Variants in CDH22 observed in about 807,000 individuals in gnomAD.
CDH22 encodes cadherin 22.
Under a neutral mutation model 58.4 loss-of-function variants are expected in CDH22, and 30 were observed. That is an observed-to-expected ratio of 0.51 (90% CI 0.38 to 0.70). The LOEUF is 0.70. CDH22 is among the 30% of genes least tolerant of loss of function. The pLI is 0.00. For missense variants in CDH22, 1,014 were observed against 1,233.9 expected, an observed-to-expected ratio of 0.82 and a Z score of 2.67; for synonymous variants, 513 against 558.2, an observed-to-expected ratio of 0.92 and a Z score of 1.14.
At chr20:46,209,042 A>C (rs1258228932) in intron 7 of CDH22, among the ~76,000 whole-genome samples, 1 of 152,250 alleles carries the variant, frequency 6.6e-6, no homozygotes, top group Non-Finnish European at 1.5e-5. Flanking sequence ...AGAGACAAAA[A>C]AGGTAATCAG....
At chr20:46,297,447 G>T (rs1309514822) in intron 1 of CDH22, among the ~76,000 whole-genome samples, 1 of 151,976 alleles carries the variant, frequency 6.6e-6, no homozygotes, top group South Asian at 2.1e-4. Flanking sequence ...CTCCGTGGAG[G>T]GTTAGAGCTT....
At chr20:46,226,286 CTTCTTCTTT>C (rs2086173782) in intron 4 of CDH22, among the ~76,000 whole-genome samples, 1 of 2,476 alleles carries the variant, frequency 4.0e-4, no homozygotes, top group Non-Finnish European at 1.2e-3. Context: ...TCTTCTTCTT[CTTCTTCTTT>C]TTTTTTTTGA....
At position 46,291,306 on chromosome 20, in the gene CDH22, AAAAC is replaced by A. The variant is rs201514418; in HGVS notation, c.-400+16945_-400+16948del. 4.8e-3 allele frequency among the ~76,000 whole-genome samples: 730 copies of A among 152,294 alleles called. 8 individuals are homozygous for A. Among genetic ancestry groups the A allele is most frequent in the African/African-American group, 0.017 (699 of 41,566 alleles). On this transcript the variant is annotated intron_variant, in intron 1 of 11. Coordinates refer to ENST00000537909, the MANE Select transcript of CDH22 (RefSeq NM_021248.3). ...ATAAATAAATAAATAAATAAAACAA[AAAAC>A]AAACAAAACCAAATAATAATAGCTA...
chr20:46,280,927 A>G (rs1238319008), intron 1 of CDH22, among the ~76,000 whole-genome samples: 1 of 152,206 alleles, frequency 6.6e-6, no homozygotes, highest in Non-Finnish European at 1.5e-5. Flanking sequence ...ACAGTGTCCA[A>G]CACAAAGTAG....
chr20:46,296,886 A>C (rs55915819), intron 1 of CDH22, among the ~76,000 whole-genome samples: 60,733 of 151,988 alleles, frequency 0.4, 14,080 homozygotes, highest in African/African-American at 0.65. Flanking sequence ...AGCCCGTAAG[A>C]CGAGCCTGAT....
rs367985439 is a variant in CDH22 at position 46,216,797 on chromosome 20, G to A, written c.838+29C>T. 74 of 1,577,652 alleles carry A rather than the reference G, an allele frequency of 4.7e-5. 1 individual carries two copies. Among genetic ancestry groups the A allele is most frequent in the African/African-American group, 2.7e-4 (20 of 74,392 alleles). On this transcript the variant is annotated intron_variant, in intron 5 of 11. Coordinates refer to ENST00000537909, the MANE Select transcript of CDH22 (RefSeq NM_021248.3). The surrounding 1 kb of genome is among the most constrained non-coding windows in gnomAD (Gnocchi z 5.3). ...TGGGGTAACAGACAGACACACAGAC[G>A]CGCCTTCCTCTGGGAAGGCCTCACT...
chr20:46,227,464 G>GGC, intron 4 of CDH22, 44 bp downstream of exon 4: 21 of 1,351,106 alleles, frequency 1.6e-5, no homozygotes, highest in East Asian at 2.5e-5. Context: ...CCCGCCCCTG[G>GGC]CCCCGCCCCA....
chr20:46,285,134 G>T (rs1232479522), intron 1 of CDH22, among the ~76,000 whole-genome samples: 1 of 152,226 alleles, frequency 6.6e-6, no homozygotes. Flanking sequence ...TGGGAAGCTT[G>T]CCTTTGCATG....
rs1199732040 is a variant in CDH22, at chr20:46,216,164, CGGCCTGAGCCTG to C, written c.838+650_838+661del. 1.3e-5 allele frequency among the ~76,000 whole-genome samples: 2 copies of C among 152,154 alleles called. No homozygotes were observed. The highest frequency in any genetic ancestry group is 6.5e-5 in the Admixed American group (1 of 15,278). Reference sequence around the variant, plus strand: ...TTGGTGGCTTCCCTGTAGTGGCTCTCGGCCTGAGCCTGGGACAGAGGGGTTGGCTGGGCTGAT... The same window carrying C: ...TTGGTGGCTTCCCTGTAGTGGCTCTCGGACAGAGGGGTTGGCTGGGCTGAT... On this transcript the variant is annotated intron_variant, in intron 5 of 11. Coordinates refer to ENST00000537909, the MANE Select transcript of CDH22 (RefSeq NM_021248.3). The surrounding 1 kb of genome is among the most constrained non-coding windows in gnomAD (Gnocchi z 5.3).
chr20:46,271,743 T>C (rs2086490492), intron 1 of CDH22, among the ~76,000 whole-genome samples: 1 of 152,232 alleles, frequency 6.6e-6, no homozygotes, highest in African/African-American at 2.4e-5. Flanking sequence ...TAATGCCTTC[T>C]GTAAATCCTT....
intron 1 of CDH22, among the ~76,000 whole-genome samples, chr20:46,260,808 C>A (rs2086429651): frequency 6.6e-6 from 1 of 152,232 alleles, no homozygotes; most frequent in East Asian, 1.9e-4. Context: ...TGGCTTTCCC[C>A]TGTCATCTGG....
At chr20:46,202,676 C>T (rs952891024) in intron 7 of CDH22, among the ~76,000 whole-genome samples, 3 of 152,050 alleles carry the variant, frequency 2.0e-5, no homozygotes, top group South Asian at 2.1e-4. Context: ...TTAGCCTGAC[C>T]GACAGCCCAT....
In CDH22 at chr20:46,214,419, G is replaced by A. The variant is rs565296052; in HGVS notation, c.839-1231C>T. The stretch of plus-strand genomic sequence containing the variant: ...CTGATTCATCCTCATACAGCAGCCG[G>A]GGTGGGGCACTTTCTGAAACACGAG... On this transcript the variant is annotated intron_variant, in intron 5 of 11. Coordinates refer to ENST00000537909, the MANE Select transcript of CDH22 (RefSeq NM_021248.3). 8.1e-4 allele frequency among the ~76,000 whole-genome samples: 123 copies of A among 152,268 alleles called. 1 individual carries two copies. The South Asian group carries it at 0.017, about 21-fold the overall frequency.
At chr20:46,279,383 C>T (rs1313388871) in intron 1 of CDH22, among the ~76,000 whole-genome samples, 5 of 152,124 alleles carry the variant, frequency 3.3e-5, no homozygotes, top group African/African-American at 7.2e-5. Context: ...AAACATCTTA[C>T]GGGTCCATCG....
intron 1 of CDH22, among the ~76,000 whole-genome samples, chr20:46,287,803 C>T (rs961147879): frequency 1.4e-4 from 21 of 152,032 alleles, no homozygotes; most frequent in Non-Finnish European, 2.6e-4. Context: ...CAGACTGGCC[C>T]CCGCCCCTTC....
At chr20:46,283,346 C>A (rs889120541) in intron 1 of CDH22, among the ~76,000 whole-genome samples, 2 of 152,136 alleles carry the variant, frequency 1.3e-5, no homozygotes, top group African/African-American at 2.4e-5. Flanking sequence ...ATTCCAGCTG[C>A]GTGACCTGGG....
rs576771370 is a variant in CDH22 at position 46,284,201 on chromosome 20, G to A, written c.-400+24054C>T. Among the ~76,000 whole-genome samples, 9 of 151,678 alleles carry A rather than the reference G, an allele frequency of 5.9e-5. No homozygotes were observed. In the South Asian group the frequency reaches 1.9e-3, roughly 32 times the overall value. ...ACGCACAGACCCAGATCTTCCTGGA[G>A]TGCATGACAGGAAGGTGTGCCAGAG... On this transcript the variant is annotated intron_variant, in intron 1 of 11. Transcript: ENST00000537909.
intron 1 of CDH22, among the ~76,000 whole-genome samples, chr20:46,261,634 C>T (rs942973848): frequency 5.3e-5 from 8 of 152,164 alleles, no homozygotes; most frequent in African/African-American, 1.2e-4. Context: ...CCAGTGGGAG[C>T]GGTGCCTGAC....
chr20:46,253,988 G>T (rs991725250), intron 1 of CDH22, among the ~76,000 whole-genome samples: 1 of 152,198 alleles, frequency 6.6e-6, no homozygotes, highest in Non-Finnish European at 1.5e-5. Flanking sequence ...ACAAGGATGG[G>T]AGGCAAGAGA....
Sources: gnomAD v4.1 joint callset for allele counts (sites outside exome capture counted in the v4.1 genomes callset) on GRCh38, gnomAD v4.1.1 for gene constraint, Gnocchi (gnomAD v3.1) non-coding constraint, MANE v1.5 for transcripts, NCBI Gene and HGNC (gene_info 2026-07-23, HGNC 2026-07-21) for gene names.